The following BORCS8 variants were observed in gnomAD, a reference collection of about 807,000 sequenced individuals.
The protein encoded by BORCS8 is BLOC-1-related complex subunit 8.
In BORCS8, 13 loss-of-function variants were observed where a neutral mutation model predicts 18.7. That is an observed-to-expected ratio of 0.70 (90% CI 0.45 to 1.11). The LOEUF (loss-of-function observed/expected upper bound fraction) is 1.11, where lower values mean the gene tolerates loss of function less well. Among genes scored for constraint, BORCS8 ranks in the 50% least tolerant of loss-of-function variants. BORCS8 has a pLI of 0.00. For synonymous variants in BORCS8, 68 were observed against 64.8 expected, an observed-to-expected ratio of 1.05 and a Z score of -0.24; for missense variants, 165 against 165.7, an observed-to-expected ratio of 1.00 and a Z score of 0.02.
intron 1 of BORCS8, among the ~76,000 whole-genome samples, chr19:19,190,876 T>A (rs2060463591): frequency 6.6e-6 from 1 of 152,098 alleles, no homozygotes; most frequent in African/African-American, 2.4e-5. Context: ...TTATCCATGG[T>A]TCCCGAATCT....
At chr19:19,188,802 C>T (rs1037595175) in intron 1 of BORCS8, among the ~76,000 whole-genome samples, 3 of 152,068 alleles carry the variant, frequency 2.0e-5, no homozygotes, top group Non-Finnish European at 4.4e-5. Flanking sequence ...GCCCTGTTTC[C>T]CCTTCTCCCC....
rs750957099 is a variant in BORCS8 at position 19,182,712 on chromosome 19, G to A, written c.216-29C>T. 1.5e-5 allele frequency: 23 copies of A among 1,538,288 alleles called. No homozygotes were observed. The highest frequency in any genetic ancestry group is 1.7e-4 in the Middle Eastern group (1 of 5,966). The stretch of plus-strand genomic sequence containing the variant: ...AAACGGGAGGACAGGCCTGGTCAGC[G>A]CTCCGGACCTGCAGGTAACTGTCCC... On this transcript the variant is annotated intron_variant, in intron 3 of 5. Transcript: ENST00000462790. This position sits in a 1 kb window ranked among gnomAD's most constrained non-coding sequence, Gnocchi z 4.1.
chr19:19,178,246 C>T (rs1366500711), intron 5 of BORCS8: 1 of 152,436 alleles, frequency 6.6e-6, no homozygotes, highest in Non-Finnish European at 1.5e-5. Flanking sequence ...AAAGCCACTT[C>T]TGGACTTCTG....
intron 1 of BORCS8, among the ~76,000 whole-genome samples, chr19:19,191,419 G>A (rs1003933832): frequency 6.6e-6 from 1 of 150,866 alleles, no homozygotes; most frequent in African/African-American, 2.4e-5. Flanking sequence ...CCGCGCCAGA[G>A]AGATCGAGGC....
In BORCS8 at chr19:19,186,055, T is replaced by C; in HGVS notation, c.194A>G (p.Tyr65Cys). ...TCACCTGCAGGCGTACTCCACAGTG[T>C]AGATGGCTCCCTGGCTCTGCTCCTC... ...RWEEQSQGAIYTVEYACSAVK... is the reference protein window; with the variant it reads ...RWEEQSQGAICTVEYACSAVK... Residue 65 changes from tyrosine (Y) to cysteine (C), a missense_variant, in exon 3 of 6, where the codon TAC becomes TGC. Transcript: ENST00000462790. 1 of 1,551,236 alleles carries C rather than the reference T, an allele frequency of 6.4e-7. No individual in the cohort carries two copies.
At chr19:19,190,729 C>T (rs1033470672) in intron 1 of BORCS8, among the ~76,000 whole-genome samples, 35 of 151,906 alleles carry the variant, frequency 2.3e-4, no homozygotes, top group Middle Eastern at 3.4e-3. Flanking sequence ...CGGAGGTTGC[C>T]GTGAGCCATG....
chr19:19,191,836 G>A (rs1435208471), intron 1 of BORCS8, among the ~76,000 whole-genome samples: 1 of 152,192 alleles, frequency 6.6e-6, no homozygotes, highest in African/African-American at 2.4e-5. Flanking sequence ...CTCCCAAAGT[G>A]CTGGGATTAC....
In BORCS8 at chr19:19,182,206, G is replaced by T; in HGVS notation, c.326+367C>A. On this transcript the variant is annotated intron_variant, in intron 4 of 5. Transcript: ENST00000462790. The surrounding 1 kb of genome is among the most constrained non-coding windows in gnomAD (Gnocchi z 4.1). Reference sequence around the variant, plus strand: ...CTCCGTCTGCCCCCGGATCGTCTCTGTCTGCATGTAACTCATGCCACCTCC... The same window carrying T: ...CTCCGTCTGCCCCCGGATCGTCTCTTTCTGCATGTAACTCATGCCACCTCC... 2 of 406,250 alleles carry T rather than the reference G, an allele frequency of 4.9e-6. No homozygotes were observed. Among genetic ancestry groups the T allele is most frequent in the Non-Finnish European group, 6.8e-6 (2 of 293,772 alleles). 25.2% of individuals were successfully genotyped at this position (406,250 alleles called of 1,614,324 possible).
chr19:19,187,104 T>C, intron 1 of BORCS8, 99 bp from the exon 2 acceptor site: 1 of 873,680 alleles, frequency 1.1e-6, no homozygotes, highest in Non-Finnish European at 1.8e-6. Flanking sequence ...AGGGGGCATC[T>C]GGCGTGTCCC....
chr19:19,188,593 G>A (rs1241432585), intron 1 of BORCS8, among the ~76,000 whole-genome samples: 3 of 152,158 alleles, frequency 2.0e-5, no homozygotes, highest in East Asian at 1.9e-4. Context: ...GGACCTGAAA[G>A]TGCCTGGAAG....
chr19:19,185,006 T>C (rs935232097), intron 3 of BORCS8, among the ~76,000 whole-genome samples: 1 of 152,260 alleles, frequency 6.6e-6, no homozygotes, highest in Admixed American at 6.5e-5. Context: ...GCTGGAACTA[T>C]AGGCGTGCAT....
At chr19:19,180,842 G>A in intron 4 of BORCS8, 81 bp from the exon 5 acceptor site, 1 of 1,394,488 alleles carries the variant, frequency 7.2e-7, no homozygotes, top group Admixed American at 2.5e-5. Context: ...GTGTATGTTT[G>A]GGTGATACTC....
Position 19,184,305 on chromosome 19 carries a change from C to CTT in BORCS8, c.216-1624_216-1623dup, listed in dbSNP as rs900454275. ...TTTTGTTGGTTTTTTTTTTTCCTTT[C>CTT]TTTTTTTTTTTTTTTTTTGAGACGG... On this transcript the variant is annotated intron_variant, in intron 3 of 5. Coordinates refer to ENST00000462790, the MANE Select transcript of BORCS8 (RefSeq NM_001145784.2). Among the ~76,000 whole-genome samples the CTT allele has an allele frequency of 2.6e-3, 278 of 108,444 alleles. 2 individuals are homozygous for CTT. Among genetic ancestry groups the CTT allele is most frequent in the East Asian group, 3.8e-3 (15 of 3,968 alleles). The allele number at this position is 108,444 out of a possible 152,430, so 71.1% of individuals were successfully genotyped here.
At position 19,182,362 on chromosome 19, in the gene BORCS8, A is replaced by C; in HGVS notation, c.326+211T>G. The C allele has an allele frequency of 7.7e-7, 1 of 1,292,796 alleles. No individual in the cohort carries two copies. Among genetic ancestry groups the C allele is most frequent in the Non-Finnish European group, 1.0e-6 (1 of 994,604 alleles). 80.1% of individuals were successfully genotyped at this position (1,292,796 alleles called of 1,614,324 possible). On this transcript the variant is annotated intron_variant, in intron 4 of 5. Transcript: ENST00000462790. This position sits in a 1 kb window ranked among gnomAD's most constrained non-coding sequence, Gnocchi z 4.1. Reference sequence around the variant, plus strand: ...CTGCTATGTCCCCAGTGCCCAGCCCAGGGCCAGGCACACAGCAGAGCGCAG... The same window carrying C: ...CTGCTATGTCCCCAGTGCCCAGCCCCGGGCCAGGCACACAGCAGAGCGCAG...
intron 1 of BORCS8, among the ~76,000 whole-genome samples, chr19:19,188,491 C>A (rs1041787788): frequency 3.9e-5 from 6 of 152,078 alleles, no homozygotes; most frequent in Non-Finnish European, 8.8e-5. Flanking sequence ...CCCTCCCAAA[C>A]CCACCGGTAG....
chr19:19,190,084 C>T (rs2060450770), intron 1 of BORCS8, among the ~76,000 whole-genome samples: 1 of 152,182 alleles, frequency 6.6e-6, no homozygotes, highest in South Asian at 2.1e-4. Flanking sequence ...CAAATGTCAC[C>T]TCCTGGGCAA....
Position 19,186,109 on chromosome 19 carries a change from C to T in BORCS8, c.151-11G>A, listed in dbSNP as rs369846125. ...ACGCTGCATGTCTGCCTGTAGGGGG[C>T]GCAGGAGATATTTGGCAAGGGAGGC... is the stretch of plus-strand genomic sequence containing the variant. On this transcript the variant is annotated splice_polypyrimidine_tract_variant and intron_variant, in intron 2 of 5. Coordinates refer to ENST00000462790, the MANE Select transcript of BORCS8 (RefSeq NM_001145784.2). The T allele has an allele frequency of 4.9e-5, 76 of 1,551,246 alleles. No homozygotes were observed. Among genetic ancestry groups the T allele is most frequent in the Non-Finnish European group, 5.8e-5 (66 of 1,146,910 alleles).
At chr19:19,189,624 G>C (rs1334764789) in intron 1 of BORCS8, among the ~76,000 whole-genome samples, 1 of 152,146 alleles carries the variant, frequency 6.6e-6, no homozygotes, top group African/African-American at 2.4e-5. Flanking sequence ...GATCACTTGA[G>C]GATAAGAATT....
rs182557780 is a variant in BORCS8 at position 19,180,695 on chromosome 19, C to T, written c.*33G>A. 518 of 1,545,922 alleles carry T rather than the reference C, an allele frequency of 3.4e-4. 1 individual carries two copies. The highest frequency in any genetic ancestry group is 2.1e-3 in the Middle Eastern group (10 of 4,810). ...TACCCTCGGCACTGACCTGGGTTGG[C>T]GGAGGCTGGGGGGCCCCGAGTCTCT... On this transcript the variant is annotated 3_prime_UTR_variant, in exon 5 of 6. Transcript: ENST00000462790.
Sources: allele counts gnomAD v4.1 joint callset (sites outside exome capture counted in the v4.1 genomes callset), GRCh38; gene constraint gnomAD v4.1.1; non-coding constraint Gnocchi (gnomAD v3.1); transcripts MANE v1.5; gene names NCBI Gene and HGNC (gene_info 2026-07-23, HGNC 2026-07-21).